The following CUBN variants were observed in gnomAD, a reference collection of about 807,000 sequenced individuals.
CUBN encodes the protein 460 kDa receptor.
A neutral mutation model predicts 405.3 loss-of-function variants in CUBN; 282 were observed. The observed-to-expected ratio is 0.70, with a 90% confidence interval of 0.63 to 0.77. CUBN has a LOEUF of 0.77. Among genes scored for constraint, CUBN ranks in the 30% least tolerant of loss-of-function variants. The pLI is 0.00. For missense variants in CUBN, 4,514 were observed against 4,475.2 expected (o/e 1.01, Z -0.25); for synonymous variants, 1,684 against 1,617.0 (o/e 1.04, Z -0.99).
At chr10:16,864,930 G>A (rs190248980) in intron 59 of CUBN, among the ~76,000 whole-genome samples, 16 of 146,218 alleles carry the variant, frequency 1.1e-4, no homozygotes, top group East Asian at 4.0e-4. Context: ...GATTACAGGC[G>A]TGAGCCACCA....
At chr10:16,862,160 T>TCTCACACACA (rs144560387) in intron 59 of CUBN, among the ~76,000 whole-genome samples, 49 of 131,206 alleles carry the variant, frequency 3.7e-4, no homozygotes, top group East Asian at 1.5e-3. Context: ...TCTCTCTCTC[T>TCTCACACACA]CACACACACA....
rs753389075 is a variant in CUBN, at chr10:17,043,923, G to T, written c.3733C>A (p.Pro1245Thr). The change falls in exon 26 of 67, where the codon CCC (proline) becomes ACC (threonine). Residue 1245 changes from proline to threonine, a missense_variant. Coordinates refer to ENST00000377833, the MANE Select transcript of CUBN (RefSeq NM_001081.4). ...LLTQLCGDEK[P>T]PLIRSSGDSM... ...TCTCCACTAGAACGAATAAGAGGGGGTTTCTCATCCCCACAAAGCTGAGTT... is the reference window on the plus strand; with the variant it reads ...TCTCCACTAGAACGAATAAGAGGGGTTTTCTCATCCCCACAAAGCTGAGTT... 2 of 1,613,470 alleles carry T rather than the reference G, an allele frequency of 1.2e-6. No individual in the cohort carries two copies. The highest frequency in any genetic ancestry group is 1.7e-5 in the Admixed American group (1 of 59,930).
chr10:17,123,231 G>A (rs898848310), intron 5 of CUBN, among the ~76,000 whole-genome samples: 5 of 151,710 alleles, frequency 3.3e-5, no homozygotes, highest in Admixed American at 1.3e-4. Context: ...AGTTTCCATC[G>A]TTATCAGAAA....
At chr10:17,049,536 T>G (rs1412534180) in intron 22 of CUBN, among the ~76,000 whole-genome samples, 1 of 152,208 alleles carries the variant, frequency 6.6e-6, no homozygotes, top group Admixed American at 6.5e-5. Context: ...TCCCTTTATC[T>G]TGCTTACATG....
intron 64 of CUBN, among the ~76,000 whole-genome samples, chr10:16,834,768 G>A (rs1265542732): frequency 6.6e-6 from 1 of 152,156 alleles, no homozygotes; most frequent in Non-Finnish European, 1.5e-5. Flanking sequence ...ACATTGTGCT[G>A]TAATTGGCTA....
intron 30 of CUBN, among the ~76,000 whole-genome samples, chr10:16,983,192 G>A (rs1046847893): frequency 3.3e-5 from 5 of 152,102 alleles, no homozygotes; most frequent in East Asian, 1.9e-4. Flanking sequence ...GATAATATAA[G>A]CCAATAATAG....
intron 6 of CUBN, among the ~76,000 whole-genome samples, chr10:17,117,755 T>C (rs1403029986): frequency 6.6e-6 from 1 of 152,180 alleles, no homozygotes; most frequent in African/African-American, 2.4e-5. Context: ...CAACTGTTAC[T>C]AGCTTTCTAT....
At chr10:17,087,393 C>T (rs1197923745) in intron 15 of CUBN, among the ~76,000 whole-genome samples, 1 of 151,438 alleles carries the variant, frequency 6.6e-6, no homozygotes, top group Non-Finnish European at 1.5e-5. Flanking sequence ...TCGGCTGATA[C>T]CTCTCCTCTC....
At chr10:16,901,935 A>ACC (rs1554790407) in intron 51 of CUBN, among the ~76,000 whole-genome samples, 1,659 of 137,198 alleles carry the variant, frequency 0.012, 35 homozygotes, top group African/African-American at 0.043. Flanking sequence ...ACACACACAC[A>ACC]CCATATATAG....
intron 59 of CUBN, among the ~76,000 whole-genome samples, chr10:16,858,860 G>T (rs1839937009): frequency 6.6e-6 from 1 of 152,176 alleles, no homozygotes; most frequent in Admixed American, 6.5e-5. Flanking sequence ...ATGTGCCAAT[G>T]CAATTCAATG....
chr10:16,884,734 G>T (rs780849), intron 56 of CUBN, among the ~76,000 whole-genome samples: 112,109 of 151,984 alleles, frequency 0.74, 41,777 homozygotes, highest in East Asian at 0.83. Flanking sequence ...CCCTAAGCAG[G>T]TGTCAATGTT....
chr10:16,869,116 C>G (rs11591606), intron 59 of CUBN, among the ~76,000 whole-genome samples: 1 of 151,280 alleles, frequency 6.6e-6, no homozygotes, highest in African/African-American at 2.4e-5. Context: ...CTTCTTCCTT[C>G]CCATGTTGTA....
intron 14 of CUBN, among the ~76,000 whole-genome samples, chr10:17,090,514 G>T (rs1029621933): frequency 1.3e-5 from 2 of 151,830 alleles, no homozygotes; most frequent in Non-Finnish European, 2.9e-5. Flanking sequence ...AAAAATGAAA[G>T]AAATATTTAA....
At chr10:16,904,261 G>T in intron 50 of CUBN, 146 bp from the exon 51 acceptor site, 1 of 800,490 alleles carries the variant, frequency 1.2e-6, no homozygotes, top group Non-Finnish European at 2.1e-6. Flanking sequence ...ATATTTGTGT[G>T]TCTCTGTTAA....
chr10:17,085,880 C>T, intron 15 of CUBN, 121 bp from the exon 16 acceptor site: 1 of 903,342 alleles, frequency 1.1e-6, no homozygotes, highest in Non-Finnish European at 1.7e-6. Flanking sequence ...GAAGTTTCCC[C>T]ATCACATCCA....
chr10:16,914,409 A>G (rs551516547), intron 47 of CUBN, among the ~76,000 whole-genome samples: 18 of 152,170 alleles, frequency 1.2e-4, no homozygotes, highest in African/African-American at 4.3e-4. Flanking sequence ...AAATACAAAA[A>G]TTAGCCGGGC....
At chr10:16,833,602 G>A (rs1839078244) in intron 64 of CUBN, among the ~76,000 whole-genome samples, 1 of 152,104 alleles carries the variant, frequency 6.6e-6, no homozygotes. Context: ...GCAGCCCTAG[G>A]AGCCAAATCG....
chr10:16,883,954 A>AT (rs1296604837), intron 56 of CUBN, among the ~76,000 whole-genome samples: 1 of 151,984 alleles, frequency 6.6e-6, no homozygotes, highest in African/African-American at 2.4e-5. Context: ...TTACTACCCA[A>AT]TTTTTTTCAT....
At chr10:16,825,122 A>T (rs747700738) in intron 66 of CUBN, 40 bp from the exon 67 acceptor site, 2 of 1,429,130 alleles carry the variant, frequency 1.4e-6, no homozygotes, top group East Asian at 2.3e-5. Context: ...TATATTTCAC[A>T]TATTTGAACG....
Sources: allele counts gnomAD v4.1 joint callset (sites outside exome capture counted in the v4.1 genomes callset), GRCh38; gene constraint gnomAD v4.1.1; transcripts MANE v1.5; gene names NCBI Gene and HGNC (gene_info 2026-07-23, HGNC 2026-07-21).